MBNL1: variants seen among roughly 807,000 people sequenced by gnomAD.
The protein encoded by MBNL1 is muscleblind like splicing regulator 1, also known as muscleblind-like protein 1.
Under a neutral mutation model 42.2 loss-of-function variants are expected in MBNL1, and 8 were observed. That is an observed-to-expected ratio of 0.19 (90% CI 0.11 to 0.34). The LOEUF (loss-of-function observed/expected upper bound fraction) is 0.34, where lower values mean the gene tolerates loss of function less well. MBNL1 is among the 10% of genes least tolerant of loss of function. The pLI is 1.00. For synonymous variants in MBNL1, 169 were observed against 173.9 expected, an observed-to-expected ratio of 0.97 and a Z score of 0.22; for missense variants, 309 against 495.3, an observed-to-expected ratio of 0.62 and a Z score of 3.57.
chr3:152,458,291 A>G, intron 8 of MBNL1: 1 of 1,023,940 alleles, frequency 9.8e-7, no homozygotes, highest in South Asian at 1.4e-5. Flanking sequence ...GAAATAAAAC[A>G]GGGACATATT....
chr3:152,332,741 C>CTT (rs1560182151), intron 2 of MBNL1, among the ~76,000 whole-genome samples: 1 of 80,128 alleles, frequency 1.2e-5, no homozygotes, highest in Non-Finnish European at 2.6e-5. Flanking sequence ...TGTGTGTGTG[C>CTT]GCGCGCGCAT....
intron 2 of MBNL1, among the ~76,000 whole-genome samples, chr3:152,254,729 A>G (rs1189262391): frequency 1.3e-5 from 2 of 152,136 alleles, no homozygotes; most frequent in Non-Finnish European, 2.9e-5. Context: ...AATGATAATG[A>G]TGATAATTGC....
chr3:152,259,082 A>G (rs2035867580), intron 2 of MBNL1, among the ~76,000 whole-genome samples: 1 of 152,184 alleles, frequency 6.6e-6, no homozygotes, highest in East Asian at 1.9e-4. Flanking sequence ...AGAGAGTACA[A>G]CTCCATAAAG....
intron 1 of MBNL1, among the ~76,000 whole-genome samples, chr3:152,297,668 T>A (rs2059207217): frequency 6.6e-6 from 1 of 151,574 alleles, no homozygotes; most frequent in Non-Finnish European, 1.5e-5. Flanking sequence ...GTTTTTTAAA[T>A]TTTTTTTAGA....
chr3:152,346,075 T>TA (rs769215344), intron 2 of MBNL1, among the ~76,000 whole-genome samples: 25 of 152,222 alleles, frequency 1.6e-4, no homozygotes, highest in Admixed American at 1.2e-3. Context: ...AGTACAACTG[T>TA]AAGTCAGTGG....
chr3:152,394,911 C>T (rs1483844794), intron 2 of MBNL1, among the ~76,000 whole-genome samples: 2 of 152,106 alleles, frequency 1.3e-5, no homozygotes, highest in East Asian at 1.9e-4. Context: ...CAGAGTGGAG[C>T]GCAGTGGAGC....
chr3:152,447,926 G>A (rs1481365091), intron 6 of MBNL1, among the ~76,000 whole-genome samples, 153 bp downstream of exon 6: 1 of 152,230 alleles, frequency 6.6e-6, no homozygotes, highest in African/African-American at 2.4e-5. Context: ...GGTATCTCAT[G>A]TGGTTTTCCT....
chr3:152,276,031 A>G (rs539958419), intron 1 of MBNL1, among the ~76,000 whole-genome samples: 1 of 152,264 alleles, frequency 6.6e-6, no homozygotes, highest in East Asian at 1.9e-4. Context: ...CTTTTAAGTA[A>G]GGTATCTCAT....
At chr3:152,340,150 G>A (rs1029066096) in intron 2 of MBNL1, 3 of 171,460 alleles carry the variant, frequency 1.7e-5, no homozygotes, top group South Asian at 3.1e-4. Context: ...CAAAGATAAA[G>A]AAACGAACAA....
chr3:152,419,214 G>C (rs1470928800), intron 3 of MBNL1, among the ~76,000 whole-genome samples: 1 of 151,258 alleles, frequency 6.6e-6, no homozygotes, highest in Non-Finnish European at 1.5e-5. Context: ...TGTTCTTTGA[G>C]GACAAATGGA....
chr3:152,374,286 G>C (rs1234296037), intron 2 of MBNL1, among the ~76,000 whole-genome samples: 1 of 152,070 alleles, frequency 6.6e-6, no homozygotes, highest in East Asian at 1.9e-4. Context: ...GATTTTTGTG[G>C]GAGGTCAGAG....
intron 1 of MBNL1, chr3:152,269,535 C>A: frequency 2.2e-6 from 1 of 455,396 alleles, no homozygotes; most frequent in Non-Finnish European, 4.4e-6. Context: ...CCATCCCGCC[C>A]GGTTTTCATC....
At chr3:152,386,811 C>T (rs917833117) in intron 2 of MBNL1, among the ~76,000 whole-genome samples, 2 of 151,970 alleles carry the variant, frequency 1.3e-5, no homozygotes, top group South Asian at 2.1e-4. Context: ...ACATTTTAGA[C>T]TTTTTAAAGC....
In MBNL1 at chr3:152,299,836, C is replaced by G. The variant is rs2060010053; in HGVS notation, c.-358C>G. 2.5e-6 allele frequency: 1 copy of G among 405,354 alleles called. No homozygotes were observed. The highest frequency in any genetic ancestry group is 1.1e-4 in the South Asian group (1 of 8,830). The allele number at this position is 405,354 out of a possible 1,614,324, so 25.1% of individuals were successfully genotyped here. A position where few individuals can be genotyped will look rare whatever the true frequency, so the allele number is the denominator to read the frequency against. ...AAATTCGGTGTCGAAGGGTCTGCCACGTTTTCATGCTTGCATTTTGGGCTC... is the reference window on the plus strand; with the variant it reads ...AAATTCGGTGTCGAAGGGTCTGCCAGGTTTTCATGCTTGCATTTTGGGCTC... On this transcript the variant is annotated 5_prime_UTR_variant, in exon 2 of 10. Coordinates refer to ENST00000324210, the MANE Select transcript of MBNL1 (RefSeq NM_021038.5).
In MBNL1 at chr3:152,324,544, G is replaced by A. The variant is rs541183678; in HGVS notation, c.174+24177G>A. On this transcript the variant is annotated intron_variant, in intron 2 of 9. Transcript: ENST00000324210. Reference sequence around the variant, plus strand: ...CTATGGTGAGAGCGTTTACACTTTGGAAATTGGCAGATGGCAACCATAGTT... The same window carrying A: ...CTATGGTGAGAGCGTTTACACTTTGAAAATTGGCAGATGGCAACCATAGTT... Among the ~76,000 whole-genome samples, 15 of 152,296 alleles carry A rather than the reference G, an allele frequency of 9.8e-5. 1 individual carries two copies. The South Asian group carries it at 3.1e-3, about 32-fold the overall frequency.
At chr3:152,427,945 AAAAC>A (rs1418229779) in intron 3 of MBNL1, among the ~76,000 whole-genome samples, 8 of 151,890 alleles carry the variant, frequency 5.3e-5, no homozygotes, top group Non-Finnish European at 1.2e-4. Context: ...CAAACATTGC[AAAAC>A]AAACAGTGTT....
chr3:152,420,244 C>G (rs1374492914), intron 3 of MBNL1, among the ~76,000 whole-genome samples: 1 of 152,198 alleles, frequency 6.6e-6, no homozygotes, highest in East Asian at 1.9e-4. Context: ...GATCTCCCAC[C>G]TAGCACAGCG....
intron 2 of MBNL1, among the ~76,000 whole-genome samples, chr3:152,381,387 A>C (rs989640041): frequency 9.9e-5 from 15 of 152,000 alleles, no homozygotes; most frequent in East Asian, 3.8e-4. Flanking sequence ...AACAAACAAA[A>C]AAAAGTAAAA....
chr3:152,325,835 A>G (rs1352074707), intron 2 of MBNL1, among the ~76,000 whole-genome samples: 1 of 145,572 alleles, frequency 6.9e-6, no homozygotes, highest in Non-Finnish European at 1.5e-5. Flanking sequence ...TTTGTTTGTT[A>G]AGTTTAAAAA....
Sources: allele counts gnomAD v4.1 joint callset (sites outside exome capture counted in the v4.1 genomes callset), GRCh38; gene constraint gnomAD v4.1.1; transcripts MANE v1.5; gene names NCBI Gene and HGNC (gene_info 2026-07-23, HGNC 2026-07-21).